ABI1: variants seen among roughly 807,000 people sequenced by gnomAD.
ABI1 encodes abl interactor 1, also known as Abelson interactor 1.
ABI1 carries 14 observed loss-of-function variants against 54.6 expected under a neutral mutation model. The observed-to-expected ratio is 0.26, with a 90% confidence interval of 0.17 to 0.40. ABI1 has a LOEUF of 0.40. Ranked by LOEUF, ABI1 falls within the 10% of genes least tolerant of loss-of-function variation. The probability of loss-of-function intolerance (pLI) is 1.00; values close to 1 mark genes in which losing one functional copy is unlikely to be tolerated. For missense variants in ABI1, 443 were observed against 598.3 expected (o/e 0.74, Z 2.71); for synonymous variants, 194 against 209.3 (o/e 0.93, Z 0.63).
At chr10:26,791,986 A>C (rs1843528124) in intron 2 of ABI1, among the ~76,000 whole-genome samples, 1 of 152,226 alleles carries the variant, frequency 6.6e-6, no homozygotes, top group Non-Finnish European at 1.5e-5. Context: ...ATAATGCTGA[A>C]TAAAAAAAGC....
chr10:26,848,743 G>A (rs2050178511), intron 1 of ABI1, among the ~76,000 whole-genome samples: 1 of 151,632 alleles, frequency 6.6e-6, no homozygotes, highest in African/African-American at 2.4e-5. Flanking sequence ...CAAGTAGCTG[G>A]GATTACAGGC....
At chr10:26,805,760 G>A (rs896279222) in intron 2 of ABI1, among the ~76,000 whole-genome samples, 1 of 152,172 alleles carries the variant, frequency 6.6e-6, no homozygotes, top group East Asian at 1.9e-4. Context: ...GAAGACTGAT[G>A]CTTATTTCTG....
Position 26,759,135 on chromosome 10 carries a change from T to G in ABI1, c.924A>C (p.Arg308=). The G allele has an allele frequency of 1.2e-6, 2 of 1,614,082 alleles. No homozygotes were observed. The highest frequency in any genetic ancestry group is 1.7e-6 in the Non-Finnish European group (2 of 1,179,978). ...TSSTSSGGYR[R]TPSVTAQFSA... is the part of the protein sequence containing the mutation. ...AAAATTGAGCAGTCACAGAGGGAGT[T>G]CGTCTGTATCCACCAGAAGATGTCG... is the stretch of plus-strand genomic sequence containing the variant. The change falls in exon 8 of 11, where the codon CGA becomes CGC. Residue 308 remains arginine, a synonymous_variant. Transcript: ENST00000376140.
chr10:26,829,631 C>G (rs12764628), intron 1 of ABI1, among the ~76,000 whole-genome samples: 21,050 of 151,688 alleles, frequency 0.14, 1,924 homozygotes, highest in Admixed American at 0.2. Flanking sequence ...AAAAAGCCAC[C>G]GAGGAATTTT....
intron 2 of ABI1, among the ~76,000 whole-genome samples, chr10:26,807,788 T>C (rs2046967915): frequency 6.6e-6 from 1 of 152,102 alleles, no homozygotes; most frequent in Non-Finnish European, 1.5e-5. Flanking sequence ...GGTGCAAAAC[T>C]AGCTACAAAA....
chr10:26,832,998 G>A (rs2048786278), intron 1 of ABI1, among the ~76,000 whole-genome samples: 1 of 152,160 alleles, frequency 6.6e-6, no homozygotes, highest in African/African-American at 2.4e-5. Flanking sequence ...AATCCTACCA[G>A]GTTATGGCAA....
intron 1 of ABI1, among the ~76,000 whole-genome samples, chr10:26,850,035 C>G (rs1462953975): frequency 1.3e-5 from 2 of 152,226 alleles, no homozygotes; most frequent in African/African-American, 4.8e-5. Context: ...CAATTATGTG[C>G]ACAGCCTATT....
intron 2 of ABI1, among the ~76,000 whole-genome samples, chr10:26,813,205 C>T (rs10829072): frequency 0.17 from 24,983 of 151,184 alleles, 2,557 homozygotes; most frequent in South Asian, 0.3. Flanking sequence ...GTCAAGATCA[C>T]GACACTGCAC....
rs556806060 is a variant in ABI1 at position 26,768,453 on chromosome 10, G to A, written c.719+399C>T. ...CTTGGGAGGCTGAGGCAGGAAAATC[G>A]CTTGAACCTGGGAGGCAGAGGTTGC... is the stretch of plus-strand genomic sequence containing the variant. On this transcript the variant is annotated intron_variant, in intron 6 of 10. Transcript: ENST00000376140. Among the ~76,000 whole-genome samples the A allele has an allele frequency of 3.0e-4, 46 of 151,356 alleles. 2 individuals are homozygous for A. The South Asian group carries it at 9.4e-3, about 31-fold the overall frequency.
At chr10:26,811,801 A>AGTT in intron 2 of ABI1, among the ~76,000 whole-genome samples, 1 of 150,726 alleles carries the variant, frequency 6.6e-6, no homozygotes, top group Non-Finnish European at 1.5e-5. Context: ...ATTTGTATAA[A>AGTT]TTTATGCAAA....
intron 2 of ABI1, among the ~76,000 whole-genome samples, chr10:26,795,341 A>G (rs1465346386): frequency 6.6e-6 from 1 of 152,208 alleles, no homozygotes; most frequent in East Asian, 1.9e-4. Flanking sequence ...CCTTTAAAAT[A>G]TGTTGACTTC....
Position 26,765,284 on chromosome 10 carries a change from T to C in ABI1, c.754A>G (p.Ser252Gly). 6.3e-7 allele frequency: 1 copy of C among 1,593,950 alleles called. No individual in the cohort carries two copies. The highest frequency in any genetic ancestry group is 8.5e-7 in the Non-Finnish European group (1 of 1,174,794). The change falls in exon 7 of 11, where the codon AGT becomes GGT. Residue 252 changes from serine to glycine, a missense_variant. By Grantham distance (56) the Ser-to-Gly change is moderately conservative (BLOSUM62 0). Around this residue, in one of 2 missense-constraint regions of ABI1, gnomAD observed 394 missense variants for 484.8 expected, o/e 0.81. Transcript: ENST00000376140. ...GGAATGCCAATACTACTGCTACCAC[T>C]GTTTTCTCGACTTCCACTTCCTCCA... ...SSGGSGSREN[S>G]GSSSIGIPIA...
intron 1 of ABI1, among the ~76,000 whole-genome samples, chr10:26,859,378 C>T (rs2051112464): frequency 6.6e-6 from 1 of 152,166 alleles, no homozygotes; most frequent in Non-Finnish European, 1.5e-5. Flanking sequence ...AAGCATTTGC[C>T]AACACAGAAA....
chr10:26,795,507 T>A (rs933117994), intron 2 of ABI1, among the ~76,000 whole-genome samples: 1 of 151,668 alleles, frequency 6.6e-6, no homozygotes, highest in Non-Finnish European at 1.5e-5. Context: ...ACCCCAAAGA[T>A]CCCACAGAAA....
chr10:26,806,229 T>A (rs1405433220), intron 2 of ABI1, among the ~76,000 whole-genome samples: 1 of 152,180 alleles, frequency 6.6e-6, no homozygotes, highest in African/African-American at 2.4e-5. Flanking sequence ...AAAATCAACA[T>A]TGTCCAGTTG....
At position 26,860,712 on chromosome 10, in the gene ABI1, C is replaced by T; in HGVS notation, c.117+35G>A. The T allele has an allele frequency of 1.3e-6, 2 of 1,573,572 alleles. No individual in the cohort carries two copies. The highest frequency in any genetic ancestry group is 8.7e-7 in the Non-Finnish European group (1 of 1,144,408). Reference sequence around the variant, plus strand: ...CTGGTCACTCCGGCGGGTCCTCGACCCGGCCAGCGCCCGCCGGCCGCCAGA... The same window carrying T: ...CTGGTCACTCCGGCGGGTCCTCGACTCGGCCAGCGCCCGCCGGCCGCCAGA... On this transcript the variant is annotated intron_variant, in intron 1 of 10. Transcript: ENST00000376140. This position sits in a 1 kb window ranked among gnomAD's most constrained non-coding sequence, Gnocchi z 4.1.
intron 1 of ABI1, among the ~76,000 whole-genome samples, chr10:26,839,948 C>A (rs975518229): frequency 6.6e-6 from 1 of 151,916 alleles, no homozygotes; most frequent in East Asian, 1.9e-4. Flanking sequence ...TATGATCACA[C>A]GACTGCACTC....
At chr10:26,830,251 G>C (rs60897692) in intron 1 of ABI1, among the ~76,000 whole-genome samples, 7,780 of 152,174 alleles carry the variant, frequency 0.051, 692 homozygotes, top group African/African-American at 0.18. Context: ...GTGGAGGTAT[G>C]TTTTCATTTC....
intron 1 of ABI1, among the ~76,000 whole-genome samples, chr10:26,842,391 G>A (rs890027472): frequency 1.2e-4 from 18 of 152,098 alleles, no homozygotes; most frequent in Non-Finnish European, 2.9e-5. Context: ...ACATTTTGTT[G>A]ATTGTTTCCT....
Sources: allele counts gnomAD v4.1 joint callset (sites outside exome capture counted in the v4.1 genomes callset), GRCh38; gene constraint gnomAD v4.1.1; regional missense constraint gnomAD v4.1.1; non-coding constraint Gnocchi (gnomAD v3.1); transcripts MANE v1.5; gene names NCBI Gene and HGNC (gene_info 2026-07-23, HGNC 2026-07-21).